Variants in DIAPH2 observed in about 807,000 individuals in gnomAD.
The protein encoded by DIAPH2 is diaphanous related formin 2.
Under a neutral mutation model 92.7 loss-of-function variants are expected in DIAPH2, and 35 were observed. The observed-to-expected ratio is 0.38, with a 90% CI of 0.29 to 0.50. The LOEUF is 0.50. Among genes scored for constraint, DIAPH2 ranks in the 20% least tolerant of loss-of-function variants. DIAPH2 has a pLI of 0.94. For synonymous variants in DIAPH2, 301 were observed against 280.4 expected (o/e 1.07, Z -0.73); for missense variants, 701 against 819.5 (o/e 0.86, Z 1.77).
chrX:97,346,230 C>A (rs2069154932), intron 23 of DIAPH2, among the ~76,000 whole-genome samples: 1 of 111,573 alleles, frequency 9.0e-6, no homozygotes, highest in South Asian at 3.8e-4. Flanking sequence ...ATTCTTAGGC[C>A]CCTGATCTGG....
chrX:97,574,722 T>C (rs1357783398), intron 26 of DIAPH2, among the ~76,000 whole-genome samples: 2 of 112,295 alleles, frequency 1.8e-5, no homozygotes, highest in Non-Finnish European at 3.8e-5. Flanking sequence ...GCTGGAAAGA[T>C]GAATAGTCAT....
intron 21 of DIAPH2, among the ~76,000 whole-genome samples, chrX:97,119,019 C>T (rs964367070): frequency 1.8e-5 from 2 of 111,501 alleles, no homozygotes; most frequent in East Asian, 2.8e-4. Context: ...CCCTGATTAG[C>T]GTAATAACCA....
intron 5 of DIAPH2, among the ~76,000 whole-genome samples, chrX:96,889,282 TATA>T (rs1165337651): frequency 2.7e-5 from 3 of 111,462 alleles, no homozygotes; most frequent in Non-Finnish European, 5.7e-5. Context: ...GTTTTTGCAA[TATA>T]ATATCTTAAG....
intron 23 of DIAPH2, among the ~76,000 whole-genome samples, chrX:97,272,306 CT>C (rs2068396095): frequency 9.0e-6 from 1 of 111,624 alleles, no homozygotes; most frequent in African/African-American, 3.3e-5. Flanking sequence ...CTGTTAAAAA[CT>C]TTTTGAGTGC....
At chrX:97,286,474 G>A (rs183858354) in intron 23 of DIAPH2, among the ~76,000 whole-genome samples, 1 of 111,489 alleles carries the variant, frequency 9.0e-6, no homozygotes. Flanking sequence ...TGCTAGAGGG[G>A]GCAAGGTACT....
Position 97,602,267 on chromosome X carries a change from T to TATCA in DIAPH2, c.*2954_*2957dup, listed in dbSNP as rs2071600716. 8.9e-6 allele frequency: 1 copy of TATCA among 112,297 alleles called. No individual in the cohort carries two copies. The highest frequency in any genetic ancestry group is 3.7e-4 in the South Asian group (1 of 2,702). The allele number at this position is 112,297 out of a possible 1,213,427, so 9.3% of individuals were successfully genotyped here. ...CATTACCAAAAGTCTCAACCCATTATATCAATCCTAAGTCCAAAATTTCAT... is the reference window on the plus strand; with the variant it reads ...CATTACCAAAAGTCTCAACCCATTATATCAATCAATCCTAAGTCCAAAATTTCAT... On this transcript the variant is annotated 3_prime_UTR_variant, in exon 27 of 27. Coordinates refer to ENST00000324765, the MANE Select transcript of DIAPH2 (RefSeq NM_006729.5).
At chrX:96,982,575 T>C in intron 17 of DIAPH2, among the ~76,000 whole-genome samples, 1 of 112,235 alleles carries the variant, frequency 8.9e-6, no homozygotes, top group African/African-American at 3.2e-5. Context: ...CTGGTGTGAT[T>C]AGGTACCTTT....
chrX:97,093,787 T>C (rs998456915), intron 19 of DIAPH2, among the ~76,000 whole-genome samples: 1 of 111,969 alleles, frequency 8.9e-6, no homozygotes, highest in Admixed American at 9.5e-5. Flanking sequence ...ATAATCACTA[T>C]TTTTTCTATT....
intron 9 of DIAPH2, among the ~76,000 whole-genome samples, chrX:96,919,380 C>T (rs981802876): frequency 5.4e-5 from 6 of 112,046 alleles, no homozygotes; most frequent in Admixed American, 4.7e-4. Context: ...TAACGTGACA[C>T]AGTTTTTAAG....
chrX:97,089,061 C>T (rs191693942), intron 19 of DIAPH2, among the ~76,000 whole-genome samples: 1 of 111,506 alleles, frequency 9.0e-6, no homozygotes, highest in East Asian at 2.8e-4. Context: ...AAAATGAAAG[C>T]GTGACTACTT....
At chrX:97,449,590 A>T (rs2070341754) in intron 26 of DIAPH2, 1 of 488,865 alleles carries the variant, frequency 2.0e-6, no homozygotes, top group South Asian at 1.1e-4. Context: ...ATTGTTGGGA[A>T]GGGGTGGAGG....
At chrX:97,269,108 G>A (rs189812099) in intron 23 of DIAPH2, among the ~76,000 whole-genome samples, 3 of 111,500 alleles carry the variant, frequency 2.7e-5, no homozygotes, top group Admixed American at 1.9e-4. Flanking sequence ...ACCCGCATCC[G>A]CCTCCCAGAG....
At chrX:97,319,512 A>G (rs2068872492) in intron 23 of DIAPH2, among the ~76,000 whole-genome samples, 1 of 108,522 alleles carries the variant, frequency 9.2e-6, no homozygotes, top group Admixed American at 9.9e-5. Flanking sequence ...TCAGCCTCCC[A>G]AGTAGCTGGG....
chrX:96,966,676 T>C, intron 17 of DIAPH2, among the ~76,000 whole-genome samples: 1 of 112,142 alleles, frequency 8.9e-6, no homozygotes. Context: ...ATTTAATTAA[T>C]CCCATATCAA....
At position 97,345,142 on chromosome X, in the gene DIAPH2, T is replaced by C. The variant is rs1239592800; in HGVS notation, c.2845-2974T>C. Among the ~76,000 whole-genome samples, 3 of 111,980 alleles carry C rather than the reference T, an allele frequency of 2.7e-5. No homozygotes were observed. The East Asian group carries it at 8.4e-4, about 31-fold the overall frequency. ...ACAGTCTCAAAGGTAAAAATCAGAA[T>C]GTTTTTATATGAAGCATTACGTGTA... On this transcript the variant is annotated intron_variant, in intron 23 of 26. Coordinates refer to ENST00000324765, the MANE Select transcript of DIAPH2 (RefSeq NM_006729.5).
intron 21 of DIAPH2, among the ~76,000 whole-genome samples, chrX:97,139,829 A>G (rs1443040981): frequency 9.1e-6 from 1 of 109,668 alleles, no homozygotes; most frequent in African/African-American, 3.3e-5. Flanking sequence ...TTTTAATACA[A>G]AACAATCTAA....
rs182502047 is a variant in DIAPH2, at chrX:96,697,709, T to C, written c.132+12519T>C. Among the ~76,000 whole-genome samples the C allele has an allele frequency of 9.0e-5, 10 of 110,914 alleles. No individual in the cohort carries two copies. In the East Asian group the frequency reaches 2.5e-3, roughly 28 times the overall value. On this transcript the variant is annotated intron_variant, in intron 1 of 26. Transcript: ENST00000324765. ...GACCAATGTGACTGTAAAATGTATG[T>C]TTTACACCACGATTTTCTATACTGC...
chrX:97,138,408 G>A (rs1224662761), intron 21 of DIAPH2, among the ~76,000 whole-genome samples: 4 of 111,653 alleles, frequency 3.6e-5, no homozygotes, highest in African/African-American at 9.8e-5. Context: ...GTAGAAACAC[G>A]TGTCCTATTA....
intron 23 of DIAPH2, among the ~76,000 whole-genome samples, chrX:97,269,903 C>A (rs1345412773): frequency 9.1e-6 from 1 of 109,739 alleles, no homozygotes; most frequent in Non-Finnish European, 1.9e-5. Context: ...CAGGCATGTG[C>A]CACCATGCCT....
Sources: gnomAD v4.1 joint callset for allele counts (sites outside exome capture counted in the v4.1 genomes callset) on GRCh38, gnomAD v4.1.1 for gene constraint, MANE v1.5 for transcripts, NCBI Gene and HGNC (gene_info 2026-07-23, HGNC 2026-07-21) for gene names.